The following SNX4 variants were observed in gnomAD, a reference collection of about 807,000 sequenced individuals.
The protein encoded by SNX4 is sorting nexin-4.
A neutral mutation model predicts 70.8 loss-of-function variants in SNX4; 49 were observed. That is an observed-to-expected ratio of 0.69 (90% confidence interval 0.55 to 0.88). SNX4 has a LOEUF of 0.88. Ranked by LOEUF, SNX4 falls within the 40% of genes least tolerant of loss-of-function variation. SNX4 has a pLI of 0.00. For synonymous variants in SNX4, 206 were observed against 183.8 expected (o/e 1.12, Z -0.98); for missense variants, 528 against 544.8 (o/e 0.97, Z 0.31).
chr3:125,464,163 C>T (rs1933951298), intron 9 of SNX4, among the ~76,000 whole-genome samples: 2 of 152,042 alleles, frequency 1.3e-5, no homozygotes. Context: ...ATAATCATTA[C>T]CACCACCCAC....
intron 1 of SNX4, among the ~76,000 whole-genome samples, chr3:125,518,585 C>T (rs1935328142): frequency 6.6e-6 from 1 of 152,192 alleles, no homozygotes; most frequent in Non-Finnish European, 1.5e-5. Context: ...ACTTAAAAGT[C>T]TTTCAGGCCG....
chr3:125,490,791 A>C (rs3821410), intron 5 of SNX4, among the ~76,000 whole-genome samples: 37,322 of 137,650 alleles, frequency 0.27, 4,653 homozygotes, highest in Middle Eastern at 0.33. Flanking sequence ...AAAAAACAAA[A>C]AAAAAAAGAC....
intron 5 of SNX4, among the ~76,000 whole-genome samples, chr3:125,495,250 TTATA>T (rs759787193): frequency 0.055 from 2,080 of 38,142 alleles, 184 homozygotes; most frequent in African/African-American, 0.11. Flanking sequence ...CATTCTCTCT[TTATA>T]TATATATATA....
At chr3:125,489,579 G>A (rs903329247) in intron 5 of SNX4, 116 bp from the exon 6 acceptor site, 26 of 763,894 alleles carry the variant, frequency 3.4e-5, no homozygotes, top group Non-Finnish European at 5.5e-5. Context: ...CATATCAATT[G>A]TTGTAAACAC....
At position 125,468,624 on chromosome 3, in the gene SNX4, T is replaced by C. The variant is rs151338258; in HGVS notation, c.854+830A>G. 4.8e-3 allele frequency among the ~76,000 whole-genome samples: 733 copies of C among 152,248 alleles called. 1 individual carries two copies. Among genetic ancestry groups the C allele is most frequent in the Non-Finnish European group, 7.1e-3 (484 of 68,006 alleles). ...ACTTTGGGAGGCCAAGGCAGGAGGATTGCTTAAGGCCAGGAGTCCAAGATC... is the reference window on the plus strand; with the variant it reads ...ACTTTGGGAGGCCAAGGCAGGAGGACTGCTTAAGGCCAGGAGTCCAAGATC... On this transcript the variant is annotated intron_variant, in intron 9 of 13. Coordinates refer to ENST00000251775, the MANE Select transcript of SNX4 (RefSeq NM_003794.4).
intron 1 of SNX4, 141 bp downstream of exon 1, chr3:125,519,891 T>G: frequency 1.4e-6 from 1 of 736,104 alleles, no homozygotes; most frequent in Non-Finnish European, 2.0e-6. Flanking sequence ...ACCCCGCCTT[T>G]CCACCTCGCT....
intron 11 of SNX4, among the ~76,000 whole-genome samples, chr3:125,456,041 T>C (rs904439625): frequency 6.6e-6 from 1 of 152,128 alleles, no homozygotes; most frequent in Non-Finnish European, 1.5e-5. Flanking sequence ...ACAGTGCTTA[T>C]TAACTAAGTA....
intron 4 of SNX4, 146 bp downstream of exon 4, chr3:125,497,688 G>C: frequency 1.7e-6 from 1 of 598,816 alleles, no homozygotes; most frequent in Middle Eastern, 4.5e-4. Flanking sequence ...CCAAAAGAAT[G>C]ACATAATCCA....
intron 1 of SNX4, among the ~76,000 whole-genome samples, chr3:125,506,543 A>G (rs1353297792): frequency 1.4e-5 from 2 of 142,732 alleles, no homozygotes; most frequent in African/African-American, 5.3e-5. Flanking sequence ...GTCTTGCTCT[A>G]TCGCCAGGTC....
At position 125,504,723 on chromosome 3, in the gene SNX4, A is replaced by G. The variant is rs1174747582; in HGVS notation, c.163T>C (p.Leu55=). The G allele has an allele frequency of 6.2e-7, 1 of 1,613,714 alleles. No individual in the cohort carries two copies. The highest frequency in any genetic ancestry group is 8.5e-7 in the Non-Finnish European group (1 of 1,179,884). Residue 55 remains leucine, a synonymous_variant, in exon 2 of 14, where the codon TTG becomes CTG. Coordinates refer to ENST00000251775, the MANE Select transcript of SNX4 (RefSeq NM_003794.4). ...GAAACACTGATTTCTATCTTCTTCA[A>G]CCAAAAATTATTGTGTGTCATCTGG... is the stretch of plus-strand genomic sequence containing the variant. ...VDTMTHNNFW[L]KKIEISVSEA...
chr3:125,463,882 G>T (rs2107532423), intron 9 of SNX4, among the ~76,000 whole-genome samples: 1 of 152,074 alleles, frequency 6.6e-6, no homozygotes, highest in South Asian at 2.1e-4. Context: ...TCCTATACTT[G>T]CTTCTTCACT....
intron 9 of SNX4, among the ~76,000 whole-genome samples, chr3:125,467,456 C>T (rs914634516): frequency 5.3e-5 from 8 of 151,878 alleles, no homozygotes; most frequent in South Asian, 2.1e-4. Flanking sequence ...AGATACTTCT[C>T]AACAGAAGAC....
At chr3:125,478,152 T>C (rs1934326809) in intron 7 of SNX4, among the ~76,000 whole-genome samples, 1 of 151,898 alleles carries the variant, frequency 6.6e-6, no homozygotes, top group Admixed American at 6.6e-5. Flanking sequence ...CGATCTCAGC[T>C]CACTGCAATC....
chr3:125,484,894 C>T (rs553837319), intron 6 of SNX4, among the ~76,000 whole-genome samples: 1 of 152,014 alleles, frequency 6.6e-6, no homozygotes, highest in African/African-American at 2.4e-5. Context: ...GGTGAAACCC[C>T]GTCTTTACTA....
At chr3:125,507,580 C>T (rs550101450) in intron 1 of SNX4, among the ~76,000 whole-genome samples, 62 of 152,258 alleles carry the variant, frequency 4.1e-4, no homozygotes, top group African/African-American at 1.5e-3. Flanking sequence ...TTTACTGAGA[C>T]ACTTTATAAC....
intron 12 of SNX4, among the ~76,000 whole-genome samples, chr3:125,452,963 A>G (rs1299598036): frequency 6.6e-6 from 1 of 152,132 alleles, no homozygotes; most frequent in Non-Finnish European, 1.5e-5. Context: ...TGGTGCTAGT[A>G]GTTCTAAAAA....
intron 10 of SNX4, among the ~76,000 whole-genome samples, chr3:125,459,361 C>T (rs1436970447): frequency 6.6e-6 from 1 of 152,134 alleles, no homozygotes; most frequent in South Asian, 2.1e-4. Context: ...TGGCTATACA[C>T]CCTGGCCATC....
intron 9 of SNX4, among the ~76,000 whole-genome samples, chr3:125,465,690 T>C (rs1933994152): frequency 1.3e-5 from 2 of 152,142 alleles, no homozygotes; most frequent in Admixed American, 1.3e-4. Context: ...TCACCTAGGC[T>C]GGAGTGCAGT....
At chr3:125,463,450 C>T (rs1933931920) in intron 9 of SNX4, among the ~76,000 whole-genome samples, 2 of 152,088 alleles carry the variant, frequency 1.3e-5, no homozygotes, top group African/African-American at 4.8e-5. Context: ...ATTTTTAGAT[C>T]TCAGTACTCA....
Sources: gnomAD v4.1 joint callset for allele counts (sites outside exome capture counted in the v4.1 genomes callset) on GRCh38, gnomAD v4.1.1 for gene constraint, MANE v1.5 for transcripts, NCBI Gene and HGNC (gene_info 2026-07-23, HGNC 2026-07-21) for gene names.